Variants in SYNPO2L observed in about 807,000 individuals in gnomAD.
SYNPO2L encodes the protein synaptopodin 2 like, also known as synaptopodin 2-like protein.
A neutral mutation model predicts 47.5 loss-of-function variants in SYNPO2L; 34 were observed. That is an observed-to-expected ratio of 0.72 (90% CI 0.54 to 0.95). The LOEUF is 0.95. Among genes scored for constraint, SYNPO2L ranks in the 40% least tolerant of loss-of-function variants. The probability of loss-of-function intolerance (pLI) is 0.00; values close to 1 mark genes in which losing one functional copy is unlikely to be tolerated. For synonymous variants in SYNPO2L, 536 were observed against 524.9 expected (o/e 1.02, Z -0.29); for missense variants, 1,246 against 1,282.0 (o/e 0.97, Z 0.43).
chr10:73,647,715 T>G lies in SYNPO2L; in HGVS notation c.1937A>C (p.Asn646Thr). 1 of 1,613,950 alleles carries G rather than the reference T, an allele frequency of 6.2e-7. No individual in the cohort carries two copies. ...MFRPGKEETK[N>T]SPNPELLSLV... ...CGATAGCAGCTCGGGGTTGGGCGAG[T>G]TCTTCGTCTCCTCCTTTCCCGGCCG... Residue 646 changes from asparagine to threonine, a missense_variant, in exon 4 of 4, where the codon AAC (asparagine) becomes ACC (threonine). Around this residue, in one of 3 missense-constraint regions of SYNPO2L, gnomAD observed 1,037 missense variants for 1,021.5 expected, o/e 1.02. Coordinates refer to ENST00000394810, the MANE Select transcript of SYNPO2L (RefSeq NM_001114133.3).
rs916422977 is a variant in SYNPO2L, at chr10:73,647,764, G to A, written c.1888C>T (p.Arg630Trp). 6 of 1,613,864 alleles carry A rather than the reference G, an allele frequency of 3.7e-6. No homozygotes were observed. The highest frequency in any genetic ancestry group is 5.1e-6 in the Non-Finnish European group (6 of 1,179,844). Residue 630 changes from arginine to tryptophan, a missense_variant, in exon 4 of 4, where the codon CGG becomes TGG. Transcript: ENST00000394810. ...RTGILQEARRRGTRKQMFRPG... is the reference protein window; with the variant it reads ...RTGILQEARRWGTRKQMFRPG... Reference sequence around the variant, plus strand: ...CGGAACATCTGCTTCCGGGTCCCCCGGCGCCGGGCCTCCTGCAGGATACCC... The same window carrying A: ...CGGAACATCTGCTTCCGGGTCCCCCAGCGCCGGGCCTCCTGCAGGATACCC...
At chr10:73,652,895 A>G (rs917944372) in intron 3 of SYNPO2L, among the ~76,000 whole-genome samples, 4 of 151,948 alleles carry the variant, frequency 2.6e-5, no homozygotes, top group South Asian at 2.1e-4. Context: ...TCCCTTTCCA[A>G]TTTCCCTACT....
At chr10:73,650,140 C>G (rs1313828508) in intron 3 of SYNPO2L, 36 of 985,354 alleles carry the variant, frequency 3.7e-5, no homozygotes, top group Non-Finnish European at 3.9e-5. Flanking sequence ...TGGATACTCT[C>G]TGGTCCATGG....
Position 73,647,252 on chromosome 10 carries a change from T to C in SYNPO2L, c.2400A>G (p.Lys800=), listed in dbSNP as rs1373975860. ...SPTPSLPPSW[K]YSPNIRAPPP... ...GCGGGGCACGGATGTTGGGTGAATATTTCCAGGAAGGGGGCAGAGACGGGG... is the reference window on the plus strand; with the variant it reads ...GCGGGGCACGGATGTTGGGTGAATACTTCCAGGAAGGGGGCAGAGACGGGG... The change falls in exon 4 of 4, where the codon AAA becomes AAG. Residue 800 remains lysine (K), a synonymous_variant. Transcript: ENST00000394810. 4 of 1,613,624 alleles carry C rather than the reference T, an allele frequency of 2.5e-6. No homozygotes were observed. In the African/African-American group the frequency reaches 5.3e-5, roughly 22 times the overall value.
intron 3 of SYNPO2L, among the ~76,000 whole-genome samples, chr10:73,652,820 G>A (rs1589455296): frequency 6.6e-6 from 1 of 152,120 alleles, no homozygotes; most frequent in East Asian, 1.9e-4. Context: ...TCTGTACTCT[G>A]CTTTCACCCA....
In SYNPO2L at chr10:73,645,299, C is replaced by T; in HGVS notation, c.*1419G>A. ...TCCCTCAAATTTTTTTCCAATCCCC[C>T]TCTCACACACGGTTGGTTTCTTGTT... On this transcript the variant is annotated 3_prime_UTR_variant, in exon 4 of 4. Transcript: ENST00000394810. 3.7e-6 allele frequency: 4 copies of T among 1,087,920 alleles called. No individual in the cohort carries two copies. The highest frequency in any genetic ancestry group is 4.9e-5 in the South Asian group (2 of 40,416). The allele number at this position is 1,087,920 out of a possible 1,614,324, so 67.4% of individuals were successfully genotyped here.
intron 3 of SYNPO2L, among the ~76,000 whole-genome samples, chr10:73,652,602 G>A (rs1384929871): frequency 6.6e-6 from 1 of 152,078 alleles, no homozygotes; most frequent in African/African-American, 2.4e-5. Context: ...CCCGGGAGGC[G>A]GAGGTTGCAA....
intron 3 of SYNPO2L, chr10:73,650,670 C>G: frequency 1.0e-6 from 1 of 984,928 alleles, no homozygotes; most frequent in Non-Finnish European, 1.2e-6. Flanking sequence ...TCATAATGTA[C>G]TCACACACGC....
chr10:73,650,667 G>T (rs1461953198), intron 3 of SYNPO2L: 13 of 984,016 alleles, frequency 1.3e-5, no homozygotes, highest in African/African-American at 3.5e-5. Flanking sequence ...TATTCATAAT[G>T]TACTCACACA....
intron 2 of SYNPO2L, among the ~76,000 whole-genome samples, 155 bp from the exon 3 acceptor site, chr10:73,653,808 A>C (rs983552462): frequency 2.6e-5 from 4 of 152,022 alleles, no homozygotes; most frequent in African/African-American, 9.7e-5. Flanking sequence ...GGAAGAGTGG[A>C]GATATGAAGA....
Position 73,648,053 on chromosome 10 carries a change from AC to A in SYNPO2L, c.1598del (p.Gly533ValfsTer12). 6.3e-7 allele frequency: 1 copy of A among 1,589,700 alleles called. No homozygotes were observed. Among genetic ancestry groups the A allele is most frequent in the Non-Finnish European group, 8.6e-7 (1 of 1,168,356 alleles). On this transcript the variant is annotated frameshift_variant, in exon 4 of 4. Transcript: ENST00000394810. LOFTEE classifies it low-confidence loss of function (END_TRUNC). ...SGVPSHAPVSGSPSTPRSSGP... is the reference protein window; with the variant it reads ...SGVPSHAPVSXSPSTPRSSGP... ...CCGAGGAGCGTGGGGTGCTGGGGGA[AC>A]CAGAGACTGGCGCGTGGCTGGGAAC...
At chr10:73,655,500 C>G (rs1388241657) in intron 1 of SYNPO2L, among the ~76,000 whole-genome samples, 2 of 152,156 alleles carry the variant, frequency 1.3e-5, no homozygotes, top group African/African-American at 4.8e-5. Flanking sequence ...AGTAGAGGCA[C>G]ATACCCAAGA....
rs779603443 is a variant in SYNPO2L at position 73,647,116 on chromosome 10, C to A, written c.2536G>T (p.Ala846Ser). The change falls in exon 4 of 4, where the codon GCT becomes TCT. Residue 846 changes from alanine to serine, a missense_variant. Physicochemically the swap from Ala to Ser is moderately conservative, Grantham distance 99. Around this residue, in one of 3 missense-constraint regions of SYNPO2L, gnomAD observed 1,037 missense variants for 1,021.5 expected, o/e 1.02. Transcript: ENST00000394810. ...GGCTGATGCCGCATAAAATCTAGAGCCTTGATGCCCTGCTTGGGTGTTGCC... is the reference window on the plus strand; with the variant it reads ...GGCTGATGCCGCATAAAATCTAGAGACTTGATGCCCTGCTTGGGTGTTGCC... ...PRATPKQGIK[A>S]LDFMRHQPYQ... is the part of the protein sequence containing the mutation. The A allele has an allele frequency of 1.9e-5, 31 of 1,613,168 alleles. No homozygotes were observed. In the South Asian group the frequency reaches 3.0e-4, roughly 15 times the overall value.
intron 3 of SYNPO2L, chr10:73,650,224 A>G (rs887367918): frequency 2.4e-5 from 24 of 984,956 alleles, no homozygotes; most frequent in Non-Finnish European, 2.7e-5. Flanking sequence ...CTTTGTAATG[A>G]GCTCCTTTGT....
At chr10:73,654,995 T>C (rs999599094) in intron 1 of SYNPO2L, among the ~76,000 whole-genome samples, 2 of 152,170 alleles carry the variant, frequency 1.3e-5, no homozygotes, top group African/African-American at 4.8e-5. Context: ...GTACTCCAGG[T>C]TGGAGGGAGT....
chr10:73,646,029 T>G lies in SYNPO2L; in HGVS notation c.*689A>C, dbSNP rs975161439. 1.1e-6 allele frequency: 1 copy of G among 945,684 alleles called. No individual in the cohort carries two copies. Among genetic ancestry groups the G allele is most frequent in the Non-Finnish European group, 1.3e-6 (1 of 793,534 alleles). The allele number at this position is 945,684 out of a possible 1,614,324, so 58.6% of individuals were successfully genotyped here. A position where few individuals can be genotyped will look rare whatever the true frequency, so the allele number is the denominator to read the frequency against. ...TTAGTGGAAATGGGGTTTCACCGTG[T>G]TAGCCAGGATGGTCTCGATCTCCTG... On this transcript the variant is annotated 3_prime_UTR_variant, in exon 4 of 4. Transcript: ENST00000394810.
rs370617240 is a variant in SYNPO2L, at chr10:73,647,457, C to G, written c.2195G>C (p.Arg732Pro). ...ATTCACGAGCCCATCAAGGAGCCCTCGAGATGGGGGCTTAGGAGCCACTGG... is the reference window on the plus strand; with the variant it reads ...ATTCACGAGCCCATCAAGGAGCCCTGGAGATGGGGGCTTAGGAGCCACTGG... ...PPPVAPKPPS[R>P]GLLDGLVNGA... Residue 732 changes from arginine to proline, a missense_variant, in exon 4 of 4, where the codon CGA (arginine) becomes CCA (proline). By Grantham distance (103) the Arg-to-Pro change is moderately radical. Around this residue, in one of 3 missense-constraint regions of SYNPO2L, gnomAD observed 1,037 missense variants for 1,021.5 expected, o/e 1.02. Coordinates refer to ENST00000394810, the MANE Select transcript of SYNPO2L (RefSeq NM_001114133.3). 6.2e-7 allele frequency: 1 copy of G among 1,601,118 alleles called. No homozygotes were observed. The highest frequency in any genetic ancestry group is 8.5e-7 in the Non-Finnish European group (1 of 1,171,740).
Position 73,646,542 on chromosome 10 carries a change from G to A in SYNPO2L, c.*176C>T, listed in dbSNP as rs2081751193. ...AAGCAGACATACTTGGTTGGAAAGC[G>A]GCAGGGAGGTAGAGAGTGAGGAGGA... On this transcript the variant is annotated 3_prime_UTR_variant, in exon 4 of 4. Coordinates refer to ENST00000394810, the MANE Select transcript of SYNPO2L (RefSeq NM_001114133.3). 3 of 1,260,318 alleles carry A rather than the reference G, an allele frequency of 2.4e-6. No individual in the cohort carries two copies. Among genetic ancestry groups the A allele is most frequent in the East Asian group, 3.0e-5 (1 of 33,084 alleles). 78.1% of individuals were successfully genotyped at this position (1,260,318 alleles called of 1,614,324 possible).
At chr10:73,649,688 C>G (rs1409911128) in intron 3 of SYNPO2L, 1 of 981,972 alleles carries the variant, frequency 1.0e-6, no homozygotes, top group South Asian at 4.7e-5. Context: ...CTCTAGGTGG[C>G]CCTTCTTCCC....
Sources: gnomAD v4.1 joint callset for allele counts (sites outside exome capture counted in the v4.1 genomes callset) on GRCh38, gnomAD v4.1.1 for gene constraint, gnomAD v4.1.1 regional missense constraint, MANE v1.5 for transcripts, NCBI Gene and HGNC (gene_info 2026-07-23, HGNC 2026-07-21) for gene names.